The following PNRC1 variants were observed in gnomAD, a reference collection of about 807,000 sequenced individuals.
PNRC1 encodes the protein proline-rich nuclear receptor coactivator 1.
Under a neutral mutation model 20.2 loss-of-function variants are expected in PNRC1, and 6 were observed. The ratio of observed to expected loss-of-function variants is 0.30; its 90% CI spans 0.16 to 0.59. The LOEUF (loss-of-function observed/expected upper bound fraction) is 0.59, where lower values mean the gene tolerates loss of function less well. Ranked by LOEUF, PNRC1 falls within the 20% of genes least tolerant of loss-of-function variation. The pLI, the probability that PNRC1 is intolerant of heterozygous loss-of-function variation, is 0.89. For missense variants in PNRC1, 488 were observed against 430.2 expected, an observed-to-expected ratio of 1.13 and a Z score of -1.19; for synonymous variants, 202 against 186.9, an observed-to-expected ratio of 1.08 and a Z score of -0.66.
At chr6:89,083,438 A>AT (rs1466491974) in intron 1 of PNRC1, among the ~76,000 whole-genome samples, 1 of 152,130 alleles carries the variant, frequency 6.6e-6, no homozygotes, top group Non-Finnish European at 1.5e-5. Context: ...GTAGGTCCCC[A>AT]TCTCTCTCTC....
At position 89,080,866 on chromosome 6, in the gene PNRC1, C is replaced by T. The variant is rs750246225; in HGVS notation, c.-29C>T. ...TTCATTCACCTTCTCCTTCTCTCTT[C>T]GTTGCTGAGCGACAAGCTTCCTAGC... is the stretch of plus-strand genomic sequence containing the variant. On this transcript the variant is annotated 5_prime_UTR_variant, in exon 1 of 2. Transcript: ENST00000336032. The T allele has an allele frequency of 3.7e-6, 6 of 1,603,530 alleles. No individual in the cohort carries two copies. Among genetic ancestry groups the T allele is most frequent in the Non-Finnish European group, 5.1e-6 (6 of 1,178,100 alleles).
Position 89,084,175 on chromosome 6 carries a change from G to A in PNRC1, c.963G>A (p.Thr321=), listed in dbSNP as rs1130809. The A allele has an allele frequency of 1.3e-5, 21 of 1,580,170 alleles. No homozygotes were observed. Among genetic ancestry groups the A allele is most frequent in the Non-Finnish European group, 1.5e-5 (17 of 1,167,302 alleles). The change falls in exon 2 of 2, where the codon ACG becomes ACA. Residue 321 remains threonine (T), a synonymous_variant. Coordinates refer to ENST00000336032, the MANE Select transcript of PNRC1 (RefSeq NM_006813.3). The part of the protein sequence containing the change: ...NRELMAVHLK[T]LLKVQT ...AGCTGATGGCAGTACACTTAAAAAC[G>A]CTCCTCAAAGTTCAAACTTAGATTT...
Position 89,084,383 on chromosome 6 carries a change from T to C in PNRC1, c.*187T>C. On this transcript the variant is annotated 3_prime_UTR_variant, in exon 2 of 2. Coordinates refer to ENST00000336032, the MANE Select transcript of PNRC1 (RefSeq NM_006813.3). ...TGTAAATACTGTATACCATGTATTA[T>C]GTGTATATTGTTCATACTTGAGAGG... 1 of 516,930 alleles carries C rather than the reference T, an allele frequency of 1.9e-6. No homozygotes were observed. The allele number at this position is 516,930 out of a possible 1,614,324, so 32.0% of individuals were successfully genotyped here. A position where few individuals can be genotyped will look rare whatever the true frequency, so the allele number is the denominator to read the frequency against.
In PNRC1 at chr6:89,081,059, C is replaced by G. The variant is rs1366018150; in HGVS notation, c.165C>G (p.Leu55=). The change falls in exon 1 of 2, where the codon CTC becomes CTG. Residue 55 remains leucine, a synonymous_variant. Transcript: ENST00000336032. The part of the protein sequence containing the change: ...IPDPRALPPT[L]FLPHFLGGDG... ...ACCCCCGGGCACTGCCCCCGACCCT[C>G]TTCCTCCCTCATTTCCTAGGGGGAG... 3 of 1,610,768 alleles carry G rather than the reference C, an allele frequency of 1.9e-6. No individual in the cohort carries two copies. The highest frequency in any genetic ancestry group is 1.1e-5 in the South Asian group (1 of 91,092).
At position 89,084,419 on chromosome 6, in the gene PNRC1, T is replaced by C; in HGVS notation, c.*223T>C. On this transcript the variant is annotated 3_prime_UTR_variant, in exon 2 of 2. Coordinates refer to ENST00000336032, the MANE Select transcript of PNRC1 (RefSeq NM_006813.3). ...TTCATACTTGAGAGGTATATTATAG[T>C]TTTGTTATGAAAGTATGTATTTTGC... 1 of 392,268 alleles carries C rather than the reference T, an allele frequency of 2.5e-6. No homozygotes were observed. The highest frequency in any genetic ancestry group is 5.5e-5 in the South Asian group (1 of 18,276). The allele number at this position is 392,268 out of a possible 1,614,324, so 24.3% of individuals were successfully genotyped here. A position where few individuals can be genotyped will look rare whatever the true frequency, so the allele number is the denominator to read the frequency against.
At chr6:89,082,338 AT>A (rs1322098973) in intron 1 of PNRC1, 1 of 152,264 alleles carries the variant, frequency 6.6e-6, no homozygotes, top group Non-Finnish European at 1.5e-5. Context: ...AATCTTCGTA[AT>A]AATGAAATGA....
chr6:89,081,046 TG>T lies in PNRC1; in HGVS notation c.153del (p.Pro53ArgfsTer9). 2 of 1,611,132 alleles carry T rather than the reference TG, an allele frequency of 1.2e-6. No homozygotes were observed. The highest frequency in any genetic ancestry group is 1.7e-6 in the Non-Finnish European group (2 of 1,179,786). On this transcript the variant is annotated frameshift_variant, in exon 1 of 2. Transcript: ENST00000336032. LOFTEE classifies it high-confidence loss of function. Reference sequence around the variant, plus strand: ...CCCCGGATCCCGGACCCCCGGGCACTGCCCCCGACCCTCTTCCTCCCTCATT... The same window carrying T: ...CCCCGGATCCCGGACCCCCGGGCACTCCCCCGACCCTCTTCCTCCCTCATT... ...PLPRIPDPRA[L>X]PPTLFLPHFL...
In PNRC1 at chr6:89,081,267, G is replaced by A. The variant is rs776333263; in HGVS notation, c.373G>A (p.Glu125Lys). 1 of 1,531,316 alleles carries A rather than the reference G, an allele frequency of 6.5e-7. No homozygotes were observed. The highest frequency in any genetic ancestry group is 8.7e-7 in the Non-Finnish European group (1 of 1,148,446). 94.9% of individuals were successfully genotyped at this position (1,531,316 alleles called of 1,614,324 possible). ...GTACCAGCAGCACCGGCCGAGTCTG[G>A]AGGGCGGCCGGAGCCCCGCGACCGG... Reference protein sequence around the residue: ...HQYQQHRPSLEGGRSPATGPS... With the variant: ...HQYQQHRPSLKGGRSPATGPS... The change falls in exon 1 of 2, where the codon GAG (glutamate) becomes AAG (lysine). Residue 125 changes from glutamate (E) to lysine (K), a missense_variant. Glu to Lys is a moderately conservative substitution (Grantham distance 56). Coordinates refer to ENST00000336032, the MANE Select transcript of PNRC1 (RefSeq NM_006813.3).
At chr6:89,083,643 T>A in intron 1 of PNRC1, 110 bp from the exon 2 acceptor site, 1 of 781,308 alleles carries the variant, frequency 1.3e-6, no homozygotes, top group Non-Finnish European at 2.0e-6. Flanking sequence ...TTTGTTCTTT[T>A]CTATGGCTGT....
At position 89,081,053 on chromosome 6, in the gene PNRC1, G is replaced by T. The variant is rs199759749; in HGVS notation, c.159G>T (p.Pro53=). Residue 53 remains proline (P), a synonymous_variant, in exon 1 of 2, where the codon CCG becomes CCT. Transcript: ENST00000336032. ...PRIPDPRALP[P]TLFLPHFLGG... is the part of the protein sequence containing the mutation. ...TCCCGGACCCCCGGGCACTGCCCCC[G>T]ACCCTCTTCCTCCCTCATTTCCTAG... is the stretch of plus-strand genomic sequence containing the variant. The T allele has an allele frequency of 2.8e-5, 45 of 1,610,922 alleles. No homozygotes were observed. Among genetic ancestry groups the T allele is most frequent in the Middle Eastern group, 1.7e-4 (1 of 6,060 alleles).
At chr6:89,083,625 AAC>A (rs1433435878) in intron 1 of PNRC1, 126 bp from the exon 2 acceptor site, 1 of 661,246 alleles carries the variant, frequency 1.5e-6, no homozygotes, top group Non-Finnish European at 2.5e-6. Flanking sequence ...TGTCACAAAG[AAC>A]ATAATTTTGT....
In PNRC1 at chr6:89,081,215, A is replaced by C. The variant is rs2127985368; in HGVS notation, c.321A>C (p.Ala107=). The part of the protein sequence containing the change: ...RRKKKVRASP[A]GQLPSRFHQY... ...AGAAGAAGGTGCGGGCCAGCCCCGCAGGGCAGCTGCCCAGCCGCTTCCACC... is the reference window on the plus strand; with the variant it reads ...AGAAGAAGGTGCGGGCCAGCCCCGCCGGGCAGCTGCCCAGCCGCTTCCACC... Residue 107 remains alanine (A), a synonymous_variant, in exon 1 of 2, where the codon GCA becomes GCC. Coordinates refer to ENST00000336032, the MANE Select transcript of PNRC1 (RefSeq NM_006813.3). 1 of 1,557,898 alleles carries C rather than the reference A, an allele frequency of 6.4e-7. No homozygotes were observed. Among genetic ancestry groups the C allele is most frequent in the South Asian group, 1.2e-5 (1 of 86,674 alleles).
At position 89,084,210 on chromosome 6, in the gene PNRC1, G is replaced by T; in HGVS notation, c.*14G>T. The T allele has an allele frequency of 6.5e-7, 1 of 1,542,788 alleles. No homozygotes were observed. The highest frequency in any genetic ancestry group is 8.8e-7 in the Non-Finnish European group (1 of 1,140,680). ...GTTCAAACTTAGATTTCAGATTTCA[G>T]TATGTGTGTAAAACATAATTTTTCC... On this transcript the variant is annotated 3_prime_UTR_variant, in exon 2 of 2. Transcript: ENST00000336032.
intron 1 of PNRC1, 33 bp downstream of exon 1, chr6:89,081,467 GC>G: frequency 9.0e-7 from 1 of 1,108,558 alleles, no homozygotes; most frequent in Non-Finnish European, 1.1e-6. Context: ...GGGGAGTCGG[GC>G]CCTTAGACGG....
At position 89,081,445 on chromosome 6, in the gene PNRC1, C is replaced by A; in HGVS notation, c.540+11C>A. On this transcript the variant is annotated intron_variant, in intron 1 of 1. Transcript: ENST00000336032. Reference sequence around the variant, plus strand: ...CCCCTCAGGAAAGAGGTGAGGCCGCCAGGGGGCCGTTGGGGAGTCGGGCCC... The same window carrying A: ...CCCCTCAGGAAAGAGGTGAGGCCGCAAGGGGGCCGTTGGGGAGTCGGGCCC... 1 of 1,215,046 alleles carries A rather than the reference C, an allele frequency of 8.2e-7. No homozygotes were observed. Among genetic ancestry groups the A allele is most frequent in the Non-Finnish European group, 1.0e-6 (1 of 978,220 alleles). The allele number at this position is 1,215,046 out of a possible 1,614,324, so 75.3% of individuals were successfully genotyped here.
At position 89,081,336 on chromosome 6, in the gene PNRC1, G is replaced by T. The variant is rs1271190784; in HGVS notation, c.442G>T (p.Ala148Ser). 2 of 1,460,910 alleles carry T rather than the reference G, an allele frequency of 1.4e-6. No homozygotes were observed. The highest frequency in any genetic ancestry group is 1.8e-6 in the Non-Finnish European group (2 of 1,117,696). The allele number at this position is 1,460,910 out of a possible 1,614,324, so 90.5% of individuals were successfully genotyped here. The change falls in exon 1 of 2, where the codon GCC becomes TCC. Residue 148 changes from alanine (A) to serine (S), a missense_variant. Coordinates refer to ENST00000336032, the MANE Select transcript of PNRC1 (RefSeq NM_006813.3). Reference protein sequence around the residue: ...QEVPGPAAALAPSPAAAAGTE... With the variant: ...QEVPGPAAALSPSPAAAAGTE... Reference sequence around the variant, plus strand: ...GGTCCCGGGCCCGGCCGCCGCCTTGGCCCCGAGTCCTGCAGCCGCAGCCGG... The same window carrying T: ...GGTCCCGGGCCCGGCCGCCGCCTTGTCCCCGAGTCCTGCAGCCGCAGCCGG...
In PNRC1 at chr6:89,085,137, C is replaced by G. The variant is rs998640481; in HGVS notation, c.*941C>G. The G allele has an allele frequency of 7.9e-5, 12 of 151,848 alleles. No individual in the cohort carries two copies. The highest frequency in any genetic ancestry group is 2.7e-4 in the African/African-American group (11 of 41,268). The allele number at this position is 151,848 out of a possible 1,614,324, so 9.4% of individuals were successfully genotyped here. A position where few individuals can be genotyped will look rare whatever the true frequency, so the allele number is the denominator to read the frequency against. ...AACAGACGCTGTCTCAAAAAAAAGG[C>G]CAAGAGAAAGTAAGGGAGACAGATT... On this transcript the variant is annotated 3_prime_UTR_variant, in exon 2 of 2. Transcript: ENST00000336032.
chr6:89,080,819 C>G lies in PNRC1; in HGVS notation c.-76C>G. 1 of 1,443,988 alleles carries G rather than the reference C, an allele frequency of 6.9e-7. No homozygotes were observed. The highest frequency in any genetic ancestry group is 1.2e-5 in the South Asian group (1 of 86,776). The allele number at this position is 1,443,988 out of a possible 1,614,324, so 89.4% of individuals were successfully genotyped here. A position where few individuals can be genotyped will look rare whatever the true frequency, so the allele number is the denominator to read the frequency against. Reference sequence around the variant, plus strand: ...CAGGCTCTCCTAGCAGCATCCATCGCCGCCACCCTATCTTCACTGGCTTCA... The same window carrying G: ...CAGGCTCTCCTAGCAGCATCCATCGGCGCCACCCTATCTTCACTGGCTTCA... On this transcript the variant is annotated 5_prime_UTR_variant, in exon 1 of 2. Coordinates refer to ENST00000336032, the MANE Select transcript of PNRC1 (RefSeq NM_006813.3).
intron 1 of PNRC1, chr6:89,081,896 T>C (rs1267751652): frequency 1.3e-5 from 2 of 152,444 alleles, no homozygotes; most frequent in Non-Finnish European, 2.9e-5. Flanking sequence ...CTCCCGGCTA[T>C]CGGGAGCCCC....
Sources: gnomAD v4.1 joint callset for allele counts (sites outside exome capture counted in the v4.1 genomes callset) on GRCh38, gnomAD v4.1.1 for gene constraint, MANE v1.5 for transcripts, NCBI Gene and HGNC (gene_info 2026-07-23, HGNC 2026-07-21) for gene names.